MARCHF1: variants seen among roughly 807,000 people sequenced by gnomAD.
MARCHF1 encodes E3 ubiquitin-protein ligase MARCHF1.
Under a neutral mutation model 54.2 loss-of-function variants are expected in MARCHF1, and 40 were observed. The observed-to-expected ratio is 0.74, with a 90% CI of 0.57 to 0.96. MARCHF1 has a LOEUF of 0.96. Ranked by LOEUF, MARCHF1 falls within the 40% of genes least tolerant of loss-of-function variation. The pLI, the probability that MARCHF1 is intolerant of heterozygous loss-of-function variation, is 0.00. For synonymous variants in MARCHF1, 236 were observed against 236.3 expected, an observed-to-expected ratio of 1.00 and a Z score of 0.01; for missense variants, 586 against 656.5, an observed-to-expected ratio of 0.89 and a Z score of 1.17.
In MARCHF1 at chr4:163,545,640, A is replaced by T; in HGVS notation, c.1295T>A (p.Leu432Ter). Residue 432 changes from leucine to a stop codon, truncating the protein, a stop_gained, in exon 9 of 10, where the codon TTG (leucine) becomes TAG (stop). Coordinates refer to ENST00000514618, the MANE Select transcript of MARCHF1 (RefSeq NM_001394959.1). LOFTEE classifies it high-confidence loss of function. ...GATTTCCTCCGCTGTCCGGTCTATC[A>T]ATACATACAAAGACCAAACCACACA... The part of the protein sequence containing the change: ...ITCVVWSLYV[L>*]IDRTAEEIKQ... The T allele has an allele frequency of 6.2e-7, 1 of 1,614,028 alleles. No individual in the cohort carries two copies. Among genetic ancestry groups the T allele is most frequent in the Non-Finnish European group, 8.5e-7 (1 of 1,179,962 alleles).
At chr4:163,917,118 G>A (rs1417612336) in intron 3 of MARCHF1, among the ~76,000 whole-genome samples, 5 of 152,142 alleles carry the variant, frequency 3.3e-5, no homozygotes, top group South Asian at 2.1e-4. Flanking sequence ...TTTTCAGATT[G>A]CCTTCTTTCA....
chr4:164,284,321 AG>A, intron 1 of MARCHF1, among the ~76,000 whole-genome samples: 1 of 135,700 alleles, frequency 7.4e-6, no homozygotes, highest in African/African-American at 3.1e-5. Context: ...AAAGAAAGTG[AG>A]AGAGAGAGAG....
intron 1 of MARCHF1, among the ~76,000 whole-genome samples, chr4:164,252,197 T>C (rs1026706902): frequency 7.2e-5 from 11 of 152,324 alleles, no homozygotes; most frequent in African/African-American, 2.6e-4. Context: ...TTACTGTGAA[T>C]ATATCTAAAT....
At chr4:163,857,842 G>A (rs1386172584) in intron 3 of MARCHF1, among the ~76,000 whole-genome samples, 5 of 152,072 alleles carry the variant, frequency 3.3e-5, no homozygotes, top group Admixed American at 2.6e-4. Context: ...AAAAGACCCA[G>A]AGCTTACAAT....
At chr4:164,353,916 A>C (rs1730431262) in intron 1 of MARCHF1, among the ~76,000 whole-genome samples, 1 of 119,328 alleles carries the variant, frequency 8.4e-6, no homozygotes, top group South Asian at 3.1e-4. Context: ...CACAATAAAA[A>C]ATGATAAAGG....
chr4:163,780,967 G>T (rs77189313), intron 4 of MARCHF1, among the ~76,000 whole-genome samples: 1 of 152,168 alleles, frequency 6.6e-6, no homozygotes, highest in Non-Finnish European at 1.5e-5. Context: ...ATCAGAGCCC[G>T]TTGAGATGTC....
chr4:163,661,164 A>T (rs1481529497), intron 5 of MARCHF1, among the ~76,000 whole-genome samples: 2 of 151,946 alleles, frequency 1.3e-5, no homozygotes, highest in African/African-American at 4.8e-5. Context: ...TTGTATAATA[A>T]TTTGGCTACA....
At chr4:163,948,144 C>A (rs1752059773) in intron 3 of MARCHF1, among the ~76,000 whole-genome samples, 2 of 151,960 alleles carry the variant, frequency 1.3e-5, no homozygotes, top group African/African-American at 4.8e-5. Flanking sequence ...TATCTGATGA[C>A]AACAAGGGCA....
At chr4:163,760,406 G>A (rs1746795669) in intron 4 of MARCHF1, among the ~76,000 whole-genome samples, 1 of 152,166 alleles carries the variant, frequency 6.6e-6, no homozygotes, top group South Asian at 2.1e-4. Flanking sequence ...TTTTACGGAT[G>A]AGGATGCAGG....
At chr4:163,889,854 T>TAAA (rs68062722) in intron 3 of MARCHF1, among the ~76,000 whole-genome samples, 1 of 147,000 alleles carries the variant, frequency 6.8e-6, no homozygotes. Flanking sequence ...ACCTGCAGAT[T>TAAA]AAAAAAAAAA....
At chr4:163,890,723 GTGTATAAT>G (rs1299762537) in intron 3 of MARCHF1, among the ~76,000 whole-genome samples, 1 of 151,832 alleles carries the variant, frequency 6.6e-6, no homozygotes, top group African/African-American at 2.4e-5. Flanking sequence ...TATAATAATT[GTGTATAAT>G]TACTTTTGGA....
intron 2 of MARCHF1, among the ~76,000 whole-genome samples, chr4:164,097,429 C>T (rs7690604): frequency 0.84 from 127,706 of 152,132 alleles, 54,105 homozygotes; most frequent in Non-Finnish European, 0.89. Flanking sequence ...TTATTTCATA[C>T]CATATTTTGG....
At chr4:164,257,157 A>T (rs1305336440) in intron 1 of MARCHF1, among the ~76,000 whole-genome samples, 1 of 152,168 alleles carries the variant, frequency 6.6e-6, no homozygotes, top group Non-Finnish European at 1.5e-5. Context: ...GTTAGTTAAT[A>T]CTTAAAATTA....
At chr4:163,644,604 C>A (rs1052800791) in intron 5 of MARCHF1, among the ~76,000 whole-genome samples, 1 of 152,144 alleles carries the variant, frequency 6.6e-6, no homozygotes, top group Non-Finnish European at 1.5e-5. Context: ...GGTCAGAGAG[C>A]AGTTCTACCT....
intron 3 of MARCHF1, among the ~76,000 whole-genome samples, chr4:163,871,834 G>A (rs1750176169): frequency 6.6e-6 from 1 of 152,044 alleles, no homozygotes; most frequent in Non-Finnish European, 1.5e-5. Flanking sequence ...GGGATTCCTA[G>A]TTAACGAGTA....
At chr4:163,623,904 A>C (rs890731268) in intron 5 of MARCHF1, among the ~76,000 whole-genome samples, 1 of 152,098 alleles carries the variant, frequency 6.6e-6, no homozygotes, top group East Asian at 1.9e-4. Context: ...GGCAGTTGAT[A>C]CTAGAAATAG....
At chr4:164,382,693 A>C (rs969952768) in intron 1 of MARCHF1, among the ~76,000 whole-genome samples, 20 of 152,158 alleles carry the variant, frequency 1.3e-4, no homozygotes, top group African/African-American at 4.6e-4. Flanking sequence ...GTGATCTGAA[A>C]ATTGAACCTC....
intron 4 of MARCHF1, among the ~76,000 whole-genome samples, chr4:163,767,098 TAA>T (rs530799338): frequency 0.38 from 40,537 of 105,460 alleles, 6,526 homozygotes; most frequent in Admixed American, 0.46. Flanking sequence ...TACGGCGATG[TAA>T]AAAAAAAAAA....
intron 5 of MARCHF1, among the ~76,000 whole-genome samples, chr4:163,649,803 A>T (rs1742901221): frequency 6.6e-6 from 1 of 151,556 alleles, no homozygotes; most frequent in African/African-American, 2.4e-5. Flanking sequence ...GAAGGGCTAT[A>T]ATCTAGTTTC....
Sources: allele counts gnomAD v4.1 joint callset (sites outside exome capture counted in the v4.1 genomes callset), GRCh38; gene constraint gnomAD v4.1.1; transcripts MANE v1.5; gene names NCBI Gene and HGNC (gene_info 2026-07-23, HGNC 2026-07-21).